The following SUGCT variants were observed in gnomAD, a reference collection of about 807,000 sequenced individuals.
SUGCT encodes succinyl-CoA:glutarate CoA-transferase.
A neutral mutation model predicts 55.0 loss-of-function variants in SUGCT; 41 were observed. The observed-to-expected ratio is 0.74, with a 90% CI of 0.58 to 0.97. The LOEUF (loss-of-function observed/expected upper bound fraction) is 0.97. Among genes scored for constraint, SUGCT ranks in the 50% least tolerant of loss-of-function variants. SUGCT has a pLI of 0.00. For missense variants in SUGCT, 568 were observed against 547.8 expected (o/e 1.04, Z -0.37); for synonymous variants, 187 against 200.4 (o/e 0.93, Z 0.56).
At chr7:40,209,179 G>GGAGA (rs1287314496) in intron 6 of SUGCT, among the ~76,000 whole-genome samples, 3 of 152,164 alleles carry the variant, frequency 2.0e-5, no homozygotes, top group Non-Finnish European at 1.5e-5. Context: ...GAGAGTTCTA[G>GGAGA]GAGAGTTGCT....
intron 13 of SUGCT, among the ~76,000 whole-genome samples, chr7:40,835,170 C>T (rs954939825): frequency 2.0e-5 from 3 of 152,244 alleles, no homozygotes; most frequent in Non-Finnish European, 4.4e-5. Context: ...CAAACACCCA[C>T]ATGAGGCTGG....
chr7:40,334,180 T>A (rs971007848), intron 9 of SUGCT, among the ~76,000 whole-genome samples: 11 of 152,188 alleles, frequency 7.2e-5, no homozygotes, highest in African/African-American at 2.7e-4. Flanking sequence ...GTTCCAAGTC[T>A]TTGCTATTGT....
intron 13 of SUGCT, among the ~76,000 whole-genome samples, chr7:40,852,689 C>T (rs1793910790): frequency 6.6e-6 from 1 of 151,496 alleles, no homozygotes; most frequent in Non-Finnish European, 1.5e-5. Flanking sequence ...GTATTGATAG[C>T]TCAGCTTCCG....
At chr7:40,163,867 A>G (rs1268442542) in intron 1 of SUGCT, among the ~76,000 whole-genome samples, 1 of 150,914 alleles carries the variant, frequency 6.6e-6, no homozygotes, top group Non-Finnish European at 1.5e-5. Flanking sequence ...TGTCACCCAG[A>G]CTGAAGGGCA....
intron 12 of SUGCT, among the ~76,000 whole-genome samples, chr7:40,742,680 G>A (rs1787528634): frequency 6.6e-6 from 1 of 150,850 alleles, no homozygotes. Context: ...GTACCGGTTT[G>A]CGGACCCCTG....
At chr7:41,020,032 T>A in the SUGCT span, among the ~76,000 whole-genome samples, 1 of 152,216 alleles carries the variant, frequency 6.6e-6, no homozygotes, top group Non-Finnish European at 1.5e-5. Flanking sequence ...TTAATTTTCC[T>A]TCTCACTCAT....
At chr7:40,695,360 G>T (rs768592340) in intron 12 of SUGCT, among the ~76,000 whole-genome samples, 5 of 151,698 alleles carry the variant, frequency 3.3e-5, no homozygotes, top group Non-Finnish European at 5.9e-5. Context: ...ACCATGCCTG[G>T]CTAATTTTTG....
chr7:40,574,019 A>G (rs1177742542), intron 12 of SUGCT, among the ~76,000 whole-genome samples: 2 of 152,202 alleles, frequency 1.3e-5, no homozygotes, highest in African/African-American at 4.8e-5. Context: ...GTCATATGTT[A>G]TATGAGCACA....
chr7:40,509,769 T>C (rs1346725444), intron 12 of SUGCT, among the ~76,000 whole-genome samples: 3 of 152,160 alleles, frequency 2.0e-5, no homozygotes, highest in Non-Finnish European at 4.4e-5. Context: ...TGTTTGCTGG[T>C]ATTTGAATTC....
chr7:40,896,453 A>G, the SUGCT span, among the ~76,000 whole-genome samples: 1 of 152,170 alleles, frequency 6.6e-6, no homozygotes, highest in Non-Finnish European at 1.5e-5. Context: ...TGCAGTTCCC[A>G]CAATCCCCAC....
At chr7:40,290,824 T>C (rs150583658) in intron 8 of SUGCT, among the ~76,000 whole-genome samples, 151,456 of 152,272 alleles carry the variant, frequency 0.99, 75,324 homozygotes, top group East Asian at 1. Flanking sequence ...AAACAGACAA[T>C]CCCATCAAAA....
intron 9 of SUGCT, among the ~76,000 whole-genome samples, chr7:40,432,595 A>C (rs1207167347): frequency 6.7e-6 from 1 of 149,376 alleles, no homozygotes; most frequent in African/African-American, 2.5e-5. Flanking sequence ...CTGAGGCAGG[A>C]GAATTGCTTG....
At chr7:40,163,960 T>G (rs531234415) in intron 1 of SUGCT, among the ~76,000 whole-genome samples, 1 of 152,148 alleles carries the variant, frequency 6.6e-6, no homozygotes, top group South Asian at 2.1e-4. Flanking sequence ...TAGCTGGGAC[T>G]GCAGGCATGC....
At chr7:40,213,260 T>G (rs1316003100) in intron 6 of SUGCT, among the ~76,000 whole-genome samples, 1 of 152,202 alleles carries the variant, frequency 6.6e-6, no homozygotes, top group Non-Finnish European at 1.5e-5. Flanking sequence ...TGATTATACC[T>G]CCTTCGATTT....
At chr7:41,006,768 G>A in the SUGCT span, among the ~76,000 whole-genome samples, 1 of 152,248 alleles carries the variant, frequency 6.6e-6, no homozygotes, top group East Asian at 1.9e-4. Flanking sequence ...TAAAATACTT[G>A]GTTCTGTCTT....
At chr7:40,455,061 A>G (rs928258248) in intron 10 of SUGCT, among the ~76,000 whole-genome samples, 1 of 152,176 alleles carries the variant, frequency 6.6e-6, no homozygotes, top group Non-Finnish European at 1.5e-5. Flanking sequence ...TGTAGATCTA[A>G]CATACAGATA....
chr7:40,841,571 T>C (rs575370812), intron 13 of SUGCT, among the ~76,000 whole-genome samples: 182 of 152,370 alleles, frequency 1.2e-3, no homozygotes, highest in African/African-American at 3.7e-3. Context: ...TTACTAGTTA[T>C]AATCCACTTG....
chr7:40,893,694 A>G, the SUGCT span, among the ~76,000 whole-genome samples: 17 of 152,240 alleles, frequency 1.1e-4, no homozygotes, highest in African/African-American at 4.1e-4. Flanking sequence ...GAACCACAAA[A>G]GAGCCTGAAT....
At chr7:40,842,922 C>T (rs772296375) in intron 13 of SUGCT, among the ~76,000 whole-genome samples, 3 of 152,150 alleles carry the variant, frequency 2.0e-5, no homozygotes, top group Non-Finnish European at 4.4e-5. Flanking sequence ...AGTGAAAATG[C>T]CTCACCTTGC....
Sources: gnomAD v4.1 joint callset for allele counts (sites outside exome capture counted in the v4.1 genomes callset) on GRCh38, gnomAD v4.1.1 for gene constraint, MANE v1.5 for transcripts, NCBI Gene and HGNC (gene_info 2026-07-23, HGNC 2026-07-21) for gene names.